DYRK2: variants seen among roughly 807,000 people sequenced by gnomAD.
DYRK2 encodes the protein dual specificity tyrosine-phosphorylation-regulated kinase 2.
A neutral mutation model predicts 41.6 loss-of-function variants in DYRK2; 12 were observed. That is an observed-to-expected ratio of 0.29 (90% CI 0.18 to 0.47). The LOEUF (loss-of-function observed/expected upper bound fraction) is 0.47, where lower values mean the gene tolerates loss of function less well. Among genes scored for constraint, DYRK2 ranks in the 20% least tolerant of loss-of-function variants. The pLI is 1.00. For missense variants in DYRK2, 678 were observed against 798.4 expected (o/e 0.85, Z 1.82); for synonymous variants, 322 against 315.7 (o/e 1.02, Z -0.21).
chr12:67,658,857 A>G lies in DYRK2; in HGVS notation c.*144A>G, dbSNP rs1872555912. ...TTTCAGCACTTAATTTTAATGTAAG[A>G]AAGTTGTTCATTTTGTTTTTATAAA... On this transcript the variant is annotated 3_prime_UTR_variant, in exon 3 of 3. Transcript: ENST00000344096. This position sits in a 1 kb window ranked among gnomAD's most constrained non-coding sequence, Gnocchi z 4.3. The G allele has an allele frequency of 3.2e-6, 3 of 947,604 alleles. No homozygotes were observed. Among genetic ancestry groups the G allele is most frequent in the Admixed American group, 3.2e-5 (1 of 31,284 alleles). 58.7% of individuals were successfully genotyped at this position (947,604 alleles called of 1,614,324 possible).
rs1872578545 is a variant in DYRK2, at chr12:67,659,909, A to T, written c.*1196A>T. 6.0e-6 allele frequency: 1 copy of T among 167,104 alleles called. No individual in the cohort carries two copies. The highest frequency in any genetic ancestry group is 6.5e-5 in the Admixed American group (1 of 15,288). 10.4% of individuals were successfully genotyped at this position (167,104 alleles called of 1,614,324 possible). A position where few individuals can be genotyped will look rare whatever the true frequency, so the allele number is the denominator to read the frequency against. ...AACCTCAAGTTAAATGGTTTGACTT[A>T]TTCTTCGTATCATTAGAAGAACCCC... On this transcript the variant is annotated 3_prime_UTR_variant, in exon 3 of 3. Transcript: ENST00000344096.
chr12:67,654,973 G>T (rs1487494696), intron 2 of DYRK2, among the ~76,000 whole-genome samples: 1 of 152,148 alleles, frequency 6.6e-6, no homozygotes, highest in Non-Finnish European at 1.5e-5. Context: ...GAACCCTGGG[G>T]AACTCTTGAA....
intron 2 of DYRK2, chr12:67,652,784 A>T (rs1462052818): frequency 6.6e-6 from 1 of 152,178 alleles, no homozygotes; most frequent in East Asian, 1.9e-4. Context: ...GAACCCATAA[A>T]TTGTAGCTAT....
chr12:67,650,626 T>C (rs1565802213), intron 2 of DYRK2, among the ~76,000 whole-genome samples: 1 of 152,206 alleles, frequency 6.6e-6, no homozygotes, highest in Non-Finnish European at 1.5e-5. Context: ...AAAAAGCACC[T>C]AACAGGTGCT....
intron 2 of DYRK2, among the ~76,000 whole-genome samples, chr12:67,655,272 C>A (rs1592713015): frequency 6.6e-6 from 1 of 152,252 alleles, no homozygotes; most frequent in South Asian, 2.1e-4. Context: ...AATTTTTCTG[C>A]TGAAATATCA....
Position 67,658,725 on chromosome 12 carries a change from CTGA to C in DYRK2, c.*15_*17del. 1 of 1,585,242 alleles carries C rather than the reference CTGA, an allele frequency of 6.3e-7. No homozygotes were observed. The highest frequency in any genetic ancestry group is 8.6e-7 in the Non-Finnish European group (1 of 1,165,666). ...AACTTGTTAGCTGAGCTCACGTCCCCTGATGCTGGTAACCTGAAAGATACGACA... is the reference window on the plus strand; with the variant it reads ...AACTTGTTAGCTGAGCTCACGTCCCCTGCTGGTAACCTGAAAGATACGACA... On this transcript the variant is annotated 3_prime_UTR_variant, in exon 3 of 3. Transcript: ENST00000344096. The surrounding 1 kb of genome is among the most constrained non-coding windows in gnomAD (Gnocchi z 4.3).
In DYRK2 at chr12:67,657,022, G is replaced by A. The variant is rs1872489143; in HGVS notation, c.199-84G>A. The A allele has an allele frequency of 1.5e-6, 2 of 1,355,040 alleles. No homozygotes were observed. Among genetic ancestry groups the A allele is most frequent in the Non-Finnish European group, 2.0e-6 (2 of 1,017,754 alleles). 83.9% of individuals were successfully genotyped at this position (1,355,040 alleles called of 1,614,324 possible). A position where few individuals can be genotyped will look rare whatever the true frequency, so the allele number is the denominator to read the frequency against. ...GGATTTTGTAAATGTGAGGTTGGGGGCGGTGGTGTTGTTGGGGGTTACTTA... is the reference window on the plus strand; with the variant it reads ...GGATTTTGTAAATGTGAGGTTGGGGACGGTGGTGTTGTTGGGGGTTACTTA... On this transcript the variant is annotated intron_variant, in intron 2 of 2. Transcript: ENST00000344096. This position sits in a 1 kb window ranked among gnomAD's most constrained non-coding sequence, Gnocchi z 4.8.
rs752910064 is a variant in DYRK2 at position 67,649,907 on chromosome 12, C to A, written c.160C>A (p.Pro54Thr). The change falls in exon 2 of 3, where the codon CCT becomes ACT. Residue 54 changes from proline (P) to threonine (T), a missense_variant. This residue lies in a region of DYRK2 where 285 missense variants were observed against 279.2 expected (regional missense o/e 1.02). Coordinates refer to ENST00000344096, the MANE Select transcript of DYRK2 (RefSeq NM_006482.3). Reference sequence around the variant, plus strand: ...CCCGCCCTCCCCCATCGCCCTGCCGCCTCTCCGGGCCAGCAACGCTGCCGC... The same window carrying A: ...CCCGCCCTCCCCCATCGCCCTGCCGACTCTCCGGGCCAGCAACGCTGCCGC... The part of the protein sequence containing the change: ...TGPPSPIALP[P>T]LRASNAAAAA... 1 of 1,382,418 alleles carries A rather than the reference C, an allele frequency of 7.2e-7. No homozygotes were observed. The highest frequency in any genetic ancestry group is 9.3e-7 in the Non-Finnish European group (1 of 1,074,662). 85.6% of individuals were successfully genotyped at this position (1,382,418 alleles called of 1,614,324 possible). A position where few individuals can be genotyped will look rare whatever the true frequency, so the allele number is the denominator to read the frequency against.
intron 1 of DYRK2, among the ~76,000 whole-genome samples, 174 bp downstream of exon 1, chr12:67,649,356 C>G (rs908624944): frequency 6.6e-6 from 1 of 151,428 alleles, no homozygotes. Context: ...TGCGCGGCCC[C>G]GAAGGCCCCT....
intron 2 of DYRK2, chr12:67,652,522 G>A (rs934314281): frequency 8.5e-5 from 13 of 152,156 alleles, no homozygotes; most frequent in Admixed American, 1.3e-4. Context: ...CTGTCAGAAT[G>A]TTTGAGGAGG....
intron 2 of DYRK2, among the ~76,000 whole-genome samples, chr12:67,655,122 G>A (rs998148073): frequency 2.6e-4 from 39 of 152,160 alleles, no homozygotes; most frequent in African/African-American, 9.2e-4. Context: ...TAAATTATGC[G>A]AAACACAAAA....
chr12:67,651,705 A>G (rs761037517), intron 2 of DYRK2: 4 of 446,548 alleles, frequency 9.0e-6, no homozygotes, highest in East Asian at 1.4e-4. Flanking sequence ...TTTTATTTCT[A>G]TAACATAGCA....
Position 67,658,504 on chromosome 12 carries a change from C to G in DYRK2, c.1597C>G (p.Pro533Ala). 6.2e-7 allele frequency: 1 copy of G among 1,611,512 alleles called. No homozygotes were observed. Residue 533 changes from proline (P) to alanine (A), a missense_variant, in exon 3 of 3, where the codon CCC (proline) becomes GCC (alanine). Pro to Ala is a conservative substitution (Grantham distance 27). Coordinates refer to ENST00000344096, the MANE Select transcript of DYRK2 (RefSeq NM_006482.3). This position sits in a 1 kb window ranked among gnomAD's most constrained non-coding sequence, Gnocchi z 4.3. ...GACCCCAGGCCAGGCTTTGCGGCAC[C>G]CCTGGCTGAGGAGGCGGTTGCCAAA... ...RMTPGQALRH[P>A]WLRRRLPKPP...
Position 67,658,911 on chromosome 12 carries a change from A to C in DYRK2, c.*198A>C, listed in dbSNP as rs558913856. 5 of 552,366 alleles carry C rather than the reference A, an allele frequency of 9.1e-6. No individual in the cohort carries two copies. In the East Asian group the frequency reaches 1.1e-4, roughly 12 times the overall value. 34.2% of individuals were successfully genotyped at this position (552,366 alleles called of 1,614,324 possible). ...CATGAGGACAATGCTTTAAGTTTTTATACTTTCAGAAACTTTTTGTGTTCT... is the reference window on the plus strand; with the variant it reads ...CATGAGGACAATGCTTTAAGTTTTTCTACTTTCAGAAACTTTTTGTGTTCT... On this transcript the variant is annotated 3_prime_UTR_variant, in exon 3 of 3. Coordinates refer to ENST00000344096, the MANE Select transcript of DYRK2 (RefSeq NM_006482.3). This position sits in a 1 kb window ranked among gnomAD's most constrained non-coding sequence, Gnocchi z 4.3.
chr12:67,661,107 T>C lies in DYRK2; in HGVS notation c.*2394T>C, dbSNP rs571057452. The C allele has an allele frequency of 6.0e-6, 1 of 166,928 alleles. No individual in the cohort carries two copies. The highest frequency in any genetic ancestry group is 2.1e-4 in the South Asian group (1 of 4,822). The allele number at this position is 166,928 out of a possible 1,614,324, so 10.3% of individuals were successfully genotyped here. A position where few individuals can be genotyped will look rare whatever the true frequency, so the allele number is the denominator to read the frequency against. On this transcript the variant is annotated 3_prime_UTR_variant, in exon 3 of 3. Transcript: ENST00000344096. ...TGCAGCACTGTAGGGCTTTTTTTTT[T>C]TTCCCTCCAAATACAGTGAAATTTT... is the stretch of plus-strand genomic sequence containing the variant.
intron 2 of DYRK2, among the ~76,000 whole-genome samples, chr12:67,650,588 G>C (rs561338028): frequency 1.3e-5 from 2 of 152,348 alleles, no homozygotes; most frequent in South Asian, 4.1e-4. Context: ...AAAAGGAAAG[G>C]GCAAGCGTTG....
intron 2 of DYRK2, among the ~76,000 whole-genome samples, chr12:67,652,954 C>T (rs1412071022): frequency 6.6e-6 from 1 of 152,138 alleles, no homozygotes; most frequent in South Asian, 2.1e-4. Flanking sequence ...CTTAGCCACC[C>T]AAGTAGCTGG....
At position 67,662,403 on chromosome 12, in the gene DYRK2, C is replaced by CTGCAACTGTGTGTACTGAAAATATGT. The variant is rs1872649457; in HGVS notation, c.*3691_*3716dup. 1 of 166,896 alleles carries CTGCAACTGTGTGTACTGAAAATATGT rather than the reference C, an allele frequency of 6.0e-6. No individual in the cohort carries two copies. The highest frequency in any genetic ancestry group is 2.4e-5 in the African/African-American group (1 of 41,400). The allele number at this position is 166,896 out of a possible 1,614,324, so 10.3% of individuals were successfully genotyped here. Reference sequence around the variant, plus strand: ...AACTTAGACACGTGACTGTAATATGCTGCAACTGTGTGTACTGAAAATATG... The same window carrying CTGCAACTGTGTGTACTGAAAATATGT: ...AACTTAGACACGTGACTGTAATATGCTGCAACTGTGTGTACTGAAAATATGTTGCAACTGTGTGTACTGAAAATATG... On this transcript the variant is annotated 3_prime_UTR_variant, in exon 3 of 3. Coordinates refer to ENST00000344096, the MANE Select transcript of DYRK2 (RefSeq NM_006482.3).
rs760193763 is a variant in DYRK2, at chr12:67,657,903, T to G, written c.996T>G (p.Ile332Met). ...TGGTTCGCAAGTTTGCCCACTCGAT[T>G]CTGCAGTGCTTGGATGCTTTGCACA... ...LPLVRKFAHS[I>M]LQCLDALHKN... Residue 332 changes from isoleucine (I) to methionine (M), a missense_variant, in exon 3 of 3, where the codon ATT becomes ATG. Ile to Met is a conservative substitution (Grantham distance 10). This residue lies in a region of DYRK2 where 393 missense variants were observed against 519.1 expected (regional missense o/e 0.76). Coordinates refer to ENST00000344096, the MANE Select transcript of DYRK2 (RefSeq NM_006482.3). This position sits in a 1 kb window ranked among gnomAD's most constrained non-coding sequence, Gnocchi z 4.8. 1.2e-5 allele frequency: 19 copies of G among 1,614,134 alleles called. No homozygotes were observed. Among genetic ancestry groups the G allele is most frequent in the Non-Finnish European group, 1.4e-5 (16 of 1,180,056 alleles).
Sources: gnomAD v4.1 joint callset for allele counts (sites outside exome capture counted in the v4.1 genomes callset) on GRCh38, gnomAD v4.1.1 for gene constraint, gnomAD v4.1.1 regional missense constraint, Gnocchi (gnomAD v3.1) non-coding constraint, MANE v1.5 for transcripts, NCBI Gene and HGNC (gene_info 2026-07-23, HGNC 2026-07-21) for gene names.